Variants in SMG1 observed in about 807,000 individuals in gnomAD.
SMG1 encodes the protein SMG1 nonsense mediated mRNA decay associated PI3K related kinase.
A neutral mutation model predicts 419.9 loss-of-function variants in SMG1; 22 were observed. The ratio of observed to expected loss-of-function variants is 0.05; its 90% CI spans 0.04 to 0.07. SMG1 has a LOEUF of 0.07. Among genes scored for constraint, SMG1 ranks in the 10% least tolerant of loss-of-function variants. The pLI is 1.00. For missense variants in SMG1, 3,185 were observed against 4,342.0 expected (o/e 0.73, Z 7.49); for synonymous variants, 1,538 against 1,553.5 (o/e 0.99, Z 0.23).
chr16:18,871,398 A>G lies in SMG1; in HGVS notation c.2268T>C (p.Ser756=). 6.3e-7 allele frequency: 1 copy of G among 1,591,420 alleles called. No homozygotes were observed. The highest frequency in any genetic ancestry group is 8.5e-7 in the Non-Finnish European group (1 of 1,173,792). ...AAAGGCCTTTGCAAAATTTATGGAA[A>G]GACGGAAGAGAGAATAAAGGTGCGT... ...ETYAPLFSLP[S]FHKFCKGLLA... is the part of the protein sequence containing the mutation. The change falls in exon 16 of 63, where the codon TCT becomes TCC. Residue 756 remains serine, a synonymous_variant. Transcript: ENST00000446231.
At position 18,834,408 on chromosome 16, in the gene SMG1, T is replaced by G. The variant is rs758084652; in HGVS notation, c.8361A>C (p.Ser2787=). 7 of 1,613,770 alleles carry G rather than the reference T, an allele frequency of 4.3e-6. No individual in the cohort carries two copies. In the South Asian group the frequency reaches 6.6e-5, roughly 15 times the overall value. The change falls in exon 50 of 63, where the codon TCA becomes TCC. Residue 2787 remains serine (S), a synonymous_variant. Transcript: ENST00000446231. ...GATCAACCAGCTGTTCTCCAGCACT[T>G]GACGCTGCACCTTCCATCATCAGGT... ...RRNLMMEGAA[S]SAGEQLVDLT... is the part of the protein sequence containing the mutation.
chr16:18,841,466 A>C, intron 41 of SMG1, 99 bp downstream of exon 41: 1 of 1,091,990 alleles, frequency 9.2e-7, no homozygotes, highest in South Asian at 1.4e-5. Context: ...TTCCTTCTTT[A>C]ACTGCTTATA....
chr16:18,842,526 G>A (rs1242246417), intron 39 of SMG1, 72 bp from the exon 40 acceptor site: 33 of 1,487,110 alleles, frequency 2.2e-5, no homozygotes, highest in Non-Finnish European at 2.9e-5. Context: ...ATTCAATATG[G>A]CATAAAAGTA....
chr16:18,878,037 C>G (rs1279384116), intron 11 of SMG1: 2 of 152,160 alleles, frequency 1.3e-5, no homozygotes, highest in Non-Finnish European at 2.9e-5. Flanking sequence ...ATTTATTATA[C>G]TATGCTCCCT....
In SMG1 at chr16:18,882,274, A is replaced by G. The variant is rs1278689999; in HGVS notation, c.1184T>C (p.Leu395Ser). 6.2e-7 allele frequency: 1 copy of G among 1,610,446 alleles called. No individual in the cohort carries two copies. The highest frequency in any genetic ancestry group is 1.3e-5 in the African/African-American group (1 of 74,834). ...CCGGAGAAGTGCAGCCAGCTTTGGT[A>G]ATGACACTGATGGAGGAGGGACATC... ...DEDVPPPSVS[L>S]PKLAALLRVF... The change falls in exon 10 of 63, where the codon TTA (leucine) becomes TCA (serine). Residue 395 changes from leucine (L) to serine (S), a missense_variant. Leu to Ser is a moderately radical substitution (Grantham distance 145, BLOSUM62 -2). Coordinates refer to ENST00000446231, the MANE Select transcript of SMG1 (RefSeq NM_015092.5).
intron 1 of SMG1, among the ~76,000 whole-genome samples, chr16:18,917,212 G>A (rs1433600254): frequency 6.6e-6 from 1 of 151,950 alleles, no homozygotes; most frequent in Non-Finnish European, 1.5e-5. Flanking sequence ...GAGTACAATG[G>A]CCCGATCTCG....
chr16:18,830,650 T>C (rs2033111765), intron 51 of SMG1, among the ~76,000 whole-genome samples: 1 of 151,830 alleles, frequency 6.6e-6, no homozygotes. Context: ...ATCAGCCGAG[T>C]GTGATGGTGG....
At chr16:18,820,268 T>A (rs1184319136) in intron 55 of SMG1, among the ~76,000 whole-genome samples, 1 of 151,780 alleles carries the variant, frequency 6.6e-6, no homozygotes, top group Non-Finnish European at 1.5e-5. Context: ...CCAGCTACTA[T>A]CTTGGCTCAC....
chr16:18,837,155 G>T, intron 46 of SMG1, 98 bp downstream of exon 46: 2 of 1,140,492 alleles, frequency 1.8e-6, no homozygotes, highest in Non-Finnish European at 1.2e-6. Flanking sequence ...TCATTTATGT[G>T]ATTTGTTACA....
intron 8 of SMG1, 120 bp from the exon 9 acceptor site, chr16:18,884,287 A>G: frequency 1.9e-6 from 1 of 517,578 alleles, no homozygotes; most frequent in Non-Finnish European, 3.5e-6. Flanking sequence ...AGCATACCCT[A>G]AAACATGTCC....
At chr16:18,918,947 C>T (rs2038082194) in intron 1 of SMG1, among the ~76,000 whole-genome samples, 1 of 152,196 alleles carries the variant, frequency 6.6e-6, no homozygotes, top group African/African-American at 2.4e-5. Flanking sequence ...ACAAAATCCA[C>T]ATGCTCTCCC....
In SMG1 at chr16:18,882,198, C is replaced by A; in HGVS notation, c.1260G>T (p.Arg420=). ...RSIGERFSPI[R]GPPITEAYVT... The stretch of plus-strand genomic sequence containing the variant: ...CATATGCCTCAGTAATTGGAGGACC[C>A]CGAATTGGGCTGAAGCGTTCCCCAA... Residue 420 remains arginine (R), a synonymous_variant, in exon 10 of 63, where the codon CGG becomes CGT. Coordinates refer to ENST00000446231, the MANE Select transcript of SMG1 (RefSeq NM_015092.5). The A allele has an allele frequency of 1.3e-6, 2 of 1,588,154 alleles. No homozygotes were observed. The highest frequency in any genetic ancestry group is 1.7e-6 in the Non-Finnish European group (2 of 1,168,744).
Position 18,866,890 on chromosome 16 carries a change from T to A in SMG1, c.3196-115A>T, listed in dbSNP as rs528028059. The A allele has an allele frequency of 2.1e-5, 14 of 659,822 alleles. No individual in the cohort carries two copies. In the South Asian group the frequency reaches 2.7e-4, roughly 13 times the overall value. The allele number at this position is 659,822 out of a possible 1,614,324, so 40.9% of individuals were successfully genotyped here. On this transcript the variant is annotated intron_variant, in intron 22 of 62. Transcript: ENST00000446231. Reference sequence around the variant, plus strand: ...AAAGCCAAATGTATTTAACAATTATTTTCACAATTTTCACATTATTTAGCT... The same window carrying A: ...AAAGCCAAATGTATTTAACAATTATATTCACAATTTTCACATTATTTAGCT...
At chr16:18,857,861 A>G (rs2035000305) in intron 29 of SMG1, 1 of 177,994 alleles carries the variant, frequency 5.6e-6, no homozygotes, top group Non-Finnish European at 1.2e-5. Context: ...GAGCAAGAGA[A>G]GCCAAACACA....
chr16:18,884,186 A>G lies in SMG1; in HGVS notation c.1022-19T>C. 7.6e-7 allele frequency: 1 copy of G among 1,314,892 alleles called. No homozygotes were observed. Among genetic ancestry groups the G allele is most frequent in the Non-Finnish European group, 1.1e-6 (1 of 929,350 alleles). The allele number at this position is 1,314,892 out of a possible 1,614,324, so 81.5% of individuals were successfully genotyped here. ...AACCACCCTTGGAATCGTATAAGAA[A>G]TTGTGAAAGGGTAGGGGGGAAAAAA... is the stretch of plus-strand genomic sequence containing the variant. On this transcript the variant is annotated intron_variant, in intron 8 of 62. Transcript: ENST00000446231.
chr16:18,856,218 A>G (rs926226613), intron 29 of SMG1: 13 of 152,256 alleles, frequency 8.5e-5, no homozygotes, highest in African/African-American at 2.9e-4. Flanking sequence ...GCTGGAGTGC[A>G]GTGGCATGAT....
At chr16:18,867,342 T>C (rs1349506300) in intron 22 of SMG1, among the ~76,000 whole-genome samples, 6 of 151,992 alleles carry the variant, frequency 3.9e-5, no homozygotes, top group Non-Finnish European at 8.8e-5. Flanking sequence ...GAGACCAGCC[T>C]GGCCAACATG....
intron 1 of SMG1, among the ~76,000 whole-genome samples, chr16:18,906,493 TG>T (rs1215162848): frequency 1.3e-5 from 2 of 151,824 alleles, no homozygotes; most frequent in Non-Finnish European, 2.9e-5. Flanking sequence ...CGTCTCGGGG[TG>T]GGGTGGGGAA....
chr16:18,836,044 A>C lies in SMG1; in HGVS notation c.7946T>G (p.Leu2649Arg). ...CTGAAATATGGCCTTCGGATACTGC[A>C]GGGCCACGGTTGCATAGTGATGCAG... ...EQLHHYATVALQYPKAIFQKH... is the reference protein window; with the variant it reads ...EQLHHYATVARQYPKAIFQKH... Residue 2649 changes from leucine (L) to arginine (R), a missense_variant, in exon 48 of 63, where the codon CTG becomes CGG. Leu to Arg is a moderately radical substitution (Grantham distance 102, BLOSUM62 -2). This residue lies in a region of SMG1 where 412 missense variants were observed against 546.6 expected (regional missense o/e 0.75). Coordinates refer to ENST00000446231, the MANE Select transcript of SMG1 (RefSeq NM_015092.5). 6.3e-7 allele frequency: 1 copy of C among 1,595,424 alleles called. No homozygotes were observed. The highest frequency in any genetic ancestry group is 1.1e-5 in the South Asian group (1 of 87,924).
Sources: gnomAD v4.1 joint callset for allele counts (sites outside exome capture counted in the v4.1 genomes callset) on GRCh38, gnomAD v4.1.1 for gene constraint, gnomAD v4.1.1 regional missense constraint, MANE v1.5 for transcripts, NCBI Gene and HGNC (gene_info 2026-07-23, HGNC 2026-07-21) for gene names.